Variants in CBLB observed in about 807,000 individuals in gnomAD.
The protein encoded by CBLB is Cbl proto-oncogene B, also known as E3 ubiquitin-protein ligase CBL-B.
A neutral mutation model predicts 104.9 loss-of-function variants in CBLB; 31 were observed. That is an observed-to-expected ratio of 0.30 (90% CI 0.22 to 0.40). CBLB has a LOEUF of 0.40. Among genes scored for constraint, CBLB ranks in the 10% least tolerant of loss-of-function variants. The pLI is 1.00. For synonymous variants in CBLB, 440 were observed against 422.6 expected (o/e 1.04, Z -0.51); for missense variants, 1,062 against 1,214.6 (o/e 0.87, Z 1.87).
At chr3:105,689,022 CAG>C (rs1381199650) in intron 13 of CBLB, among the ~76,000 whole-genome samples, 1 of 152,068 alleles carries the variant, frequency 6.6e-6, no homozygotes, top group Admixed American at 6.5e-5. Flanking sequence ...ATTAGCCTTT[CAG>C]AGAGGTCTTT....
chr3:105,773,943 C>T (rs7649520), intron 4 of CBLB, among the ~76,000 whole-genome samples: 35,279 of 152,112 alleles, frequency 0.23, 4,450 homozygotes, highest in Non-Finnish European at 0.28. Flanking sequence ...TGGGCTTGGG[C>T]CCTGAGCAGA....
intron 3 of CBLB, among the ~76,000 whole-genome samples, chr3:105,827,162 C>T (rs1043247474): frequency 7.9e-5 from 12 of 152,130 alleles, no homozygotes; most frequent in African/African-American, 2.9e-4. Context: ...GGTATTTCAA[C>T]ACAATGAAAC....
chr3:105,668,628 T>C (rs935489125), intron 18 of CBLB, among the ~76,000 whole-genome samples: 6 of 152,202 alleles, frequency 3.9e-5, no homozygotes, highest in Non-Finnish European at 8.8e-5. Flanking sequence ...TACAGGCTAC[T>C]CATGGATACA....
intron 18 of CBLB, among the ~76,000 whole-genome samples, chr3:105,666,672 C>T (rs375249539): frequency 2.0e-5 from 3 of 151,668 alleles, no homozygotes; most frequent in Non-Finnish European, 4.4e-5. Context: ...GGCGACAGAG[C>T]GAGACTCCAT....
chr3:105,760,076 T>C (rs557018216), intron 4 of CBLB, among the ~76,000 whole-genome samples: 2 of 152,352 alleles, frequency 1.3e-5, no homozygotes, highest in East Asian at 3.8e-4. Flanking sequence ...ATAGTGTCTT[T>C]AGTATTATTT....
chr3:105,659,237 G>A lies in CBLB; in HGVS notation c.2690-8C>T. On this transcript the variant is annotated splice_polypyrimidine_tract_variant and splice_region_variant and intron_variant, in intron 18 of 18. Transcript: ENST00000394030. ...CTGGTGCCTGTGAACCATCTGTGTA[G>A]ATTTTTAAAGAGAGATACTATTTAA... The A allele has an allele frequency of 6.2e-7, 1 of 1,613,228 alleles. No individual in the cohort carries two copies. Among genetic ancestry groups the A allele is most frequent in the Non-Finnish European group, 8.5e-7 (1 of 1,179,290 alleles).
At chr3:105,839,860 T>C (rs998851798) in intron 3 of CBLB, among the ~76,000 whole-genome samples, 4 of 152,244 alleles carry the variant, frequency 2.6e-5, no homozygotes, top group Non-Finnish European at 5.9e-5. Flanking sequence ...ATTTTTTACA[T>C]ATGCAATTGT....
At chr3:105,664,266 A>T (rs1312760998) in intron 18 of CBLB, among the ~76,000 whole-genome samples, 1 of 152,182 alleles carries the variant, frequency 6.6e-6, no homozygotes, top group Non-Finnish European at 1.5e-5. Context: ...TTTCTAGTAT[A>T]TAAAGTTAGG....
At chr3:105,787,276 G>T (rs1218992859) in intron 3 of CBLB, among the ~76,000 whole-genome samples, 1 of 152,112 alleles carries the variant, frequency 6.6e-6, no homozygotes, top group Non-Finnish European at 1.5e-5. Context: ...GACCTTCTTG[G>T]ATACTTGGTT....
intron 3 of CBLB, among the ~76,000 whole-genome samples, chr3:105,845,775 T>C (rs779246431): frequency 2.6e-5 from 4 of 152,144 alleles, no homozygotes; most frequent in Non-Finnish European, 5.9e-5. Flanking sequence ...TCTACTTTCA[T>C]GGTGTGTTAA....
intron 6 of CBLB, among the ~76,000 whole-genome samples, chr3:105,745,478 T>A (rs1018469763): frequency 4.6e-5 from 7 of 152,238 alleles, no homozygotes; most frequent in Admixed American, 3.9e-4. Flanking sequence ...CTTATGTACA[T>A]ACATGTATTT....
intron 3 of CBLB, among the ~76,000 whole-genome samples, chr3:105,804,386 T>G (rs2083260036): frequency 6.6e-6 from 1 of 151,894 alleles, no homozygotes. Flanking sequence ...CCAGGCGTGG[T>G]GGCAGGCGCC....
intron 4 of CBLB, among the ~76,000 whole-genome samples, chr3:105,772,663 T>C (rs2079000720): frequency 6.6e-6 from 1 of 151,510 alleles, no homozygotes; most frequent in Non-Finnish European, 1.5e-5. Context: ...CTAAAACAAA[T>C]CAGCAAGAAG....
chr3:105,721,789 A>C, intron 9 of CBLB, among the ~76,000 whole-genome samples: 1 of 152,148 alleles, frequency 6.6e-6, no homozygotes, highest in Non-Finnish European at 1.5e-5. Flanking sequence ...CTAACACAGG[A>C]GTAAATATTT....
chr3:105,754,941 T>C (rs996448691), intron 4 of CBLB, among the ~76,000 whole-genome samples: 6 of 152,156 alleles, frequency 3.9e-5, no homozygotes, highest in Non-Finnish European at 8.8e-5. Context: ...ATCCTGTTAT[T>C]AGATAATGAG....
At chr3:105,855,253 G>T (rs1046208535) in intron 2 of CBLB, among the ~76,000 whole-genome samples, 1 of 152,188 alleles carries the variant, frequency 6.6e-6, no homozygotes, top group Non-Finnish European at 1.5e-5. Flanking sequence ...TGGGCCCCAG[G>T]GATGGGGAGG....
chr3:105,869,128 G>T, upstream of CBLB: 1 of 803,362 alleles, frequency 1.2e-6, no homozygotes, highest in Non-Finnish European at 1.7e-6. Flanking sequence ...AGCGGGTGCA[G>T]CCAATGGACG....
At chr3:105,810,525 G>A (rs1401233545) in intron 3 of CBLB, among the ~76,000 whole-genome samples, 3 of 151,978 alleles carry the variant, frequency 2.0e-5, no homozygotes, top group Non-Finnish European at 4.4e-5. Context: ...ATTTAGCGAA[G>A]AAATAGCTAA....
chr3:105,855,428 TTATGGAAGGTG>T (rs1213334562), intron 2 of CBLB, among the ~76,000 whole-genome samples: 3 of 152,180 alleles, frequency 2.0e-5, no homozygotes, highest in African/African-American at 7.2e-5. Context: ...AGAAAGGTAA[TTATGGAAGGTG>T]AAGGATATGT....
Sources: gnomAD v4.1 joint callset for allele counts (sites outside exome capture counted in the v4.1 genomes callset) on GRCh38, gnomAD v4.1.1 for gene constraint, MANE v1.5 for transcripts, NCBI Gene and HGNC (gene_info 2026-07-23, HGNC 2026-07-21) for gene names.